Variants in ASTN2 observed in about 807,000 individuals in gnomAD.
ASTN2 encodes astrotactin-2.
In ASTN2, 54 loss-of-function variants were observed where a neutral mutation model predicts 139.8. The observed-to-expected ratio is 0.39, with a 90% CI of 0.31 to 0.48. ASTN2 has a LOEUF of 0.48. Among genes scored for constraint, ASTN2 ranks in the 20% least tolerant of loss-of-function variants. ASTN2 has a pLI of 0.95. For missense variants in ASTN2, 1,565 were observed against 1,725.1 expected (o/e 0.91, Z 1.64); for synonymous variants, 756 against 719.5 (o/e 1.05, Z -0.81).
intron 5 of ASTN2, among the ~76,000 whole-genome samples, chr9:117,083,899 C>T (rs1344675432): frequency 6.6e-6 from 1 of 152,064 alleles, no homozygotes; most frequent in Admixed American, 6.5e-5. Context: ...AACAATATTT[C>T]AGGGACCATC....
intron 11 of ASTN2, among the ~76,000 whole-genome samples, chr9:116,829,012 G>T (rs1227819757): frequency 6.6e-6 from 1 of 151,958 alleles, no homozygotes; most frequent in Admixed American, 6.6e-5. Flanking sequence ...AATTGTAGAT[G>T]ACATAAATAC....
chr9:116,530,174 A>C (rs1851283276), intron 19 of ASTN2, among the ~76,000 whole-genome samples: 1 of 137,406 alleles, frequency 7.3e-6, no homozygotes, highest in Non-Finnish European at 1.6e-5. Flanking sequence ...ATTAATCCTT[A>C]AAAAGAAGAA....
At chr9:116,582,244 G>A (rs1853979646) in intron 19 of ASTN2, 1 of 152,222 alleles carries the variant, frequency 6.6e-6, no homozygotes, top group Non-Finnish European at 1.5e-5. Context: ...ATTGTACGGA[G>A]TGATCTACAT....
intron 6 of ASTN2, among the ~76,000 whole-genome samples, chr9:117,015,821 T>C (rs1000376677): frequency 9.2e-5 from 14 of 152,182 alleles, no homozygotes; most frequent in Non-Finnish European, 1.6e-4. Context: ...TGGGGTTTCC[T>C]GGAATCATTA....
intron 19 of ASTN2, among the ~76,000 whole-genome samples, chr9:116,493,027 A>G (rs1203060880): frequency 6.6e-6 from 1 of 152,122 alleles, no homozygotes; most frequent in Non-Finnish European, 1.5e-5. Flanking sequence ...ACTGTTTATA[A>G]AAGTTGGTTT....
chr9:116,658,378 T>C (rs550867795), intron 16 of ASTN2, among the ~76,000 whole-genome samples: 1 of 152,194 alleles, frequency 6.6e-6, no homozygotes, highest in African/African-American at 2.4e-5. Flanking sequence ...CAGTGAAAAA[T>C]GCTTGCTTCC....
chr9:117,266,034 G>A (rs1042279998), intron 2 of ASTN2, among the ~76,000 whole-genome samples: 1 of 152,104 alleles, frequency 6.6e-6, no homozygotes, highest in East Asian at 1.9e-4. Context: ...AATCTGCTAG[G>A]CTTAACTCCC....
At chr9:117,284,305 A>G (rs1285042382) in intron 2 of ASTN2, among the ~76,000 whole-genome samples, 1 of 152,136 alleles carries the variant, frequency 6.6e-6, no homozygotes, top group Non-Finnish European at 1.5e-5. Context: ...GGGTTTCACC[A>G]TGTTACCCAG....
At chr9:117,316,881 T>C (rs1477273874) in intron 1 of ASTN2, among the ~76,000 whole-genome samples, 1 of 152,142 alleles carries the variant, frequency 6.6e-6, no homozygotes, top group Non-Finnish European at 1.5e-5. Flanking sequence ...GGTCAGAAGT[T>C]GTCCAAGAAA....
chr9:117,194,030 G>A (rs1467127471), intron 3 of ASTN2, among the ~76,000 whole-genome samples: 1 of 152,150 alleles, frequency 6.6e-6, no homozygotes, highest in African/African-American at 2.4e-5. Flanking sequence ...GATAAGATCT[G>A]AGGCACAAGG....
intron 6 of ASTN2, among the ~76,000 whole-genome samples, chr9:117,015,130 C>T (rs1232563889): frequency 1.3e-5 from 2 of 152,070 alleles, no homozygotes; most frequent in Non-Finnish European, 1.5e-5. Flanking sequence ...CCCACCTTAG[C>T]CTCCCAGGTA....
At chr9:116,623,228 C>A (rs969120205) in intron 17 of ASTN2, among the ~76,000 whole-genome samples, 1 of 149,074 alleles carries the variant, frequency 6.7e-6, no homozygotes, top group South Asian at 2.2e-4. Flanking sequence ...TAAATAGGAA[C>A]TTGAGCTTGT....
At chr9:117,066,031 A>G (rs1267368927) in intron 5 of ASTN2, among the ~76,000 whole-genome samples, 1 of 124,462 alleles carries the variant, frequency 8.0e-6, no homozygotes, top group Non-Finnish European at 1.7e-5. Context: ...TTTTTTTTTT[A>G]TTATACTTTA....
At chr9:116,577,488 T>C (rs1170292945) in intron 19 of ASTN2, among the ~76,000 whole-genome samples, 3 of 151,502 alleles carry the variant, frequency 2.0e-5, no homozygotes, top group East Asian at 1.9e-4. Context: ...GCTGAGATCA[T>C]GCCACCACAC....
At chr9:117,298,704 G>GTA (rs1427676770) in intron 1 of ASTN2, among the ~76,000 whole-genome samples, 3,738 of 31,720 alleles carry the variant, frequency 0.12, 66 homozygotes, top group Non-Finnish European at 0.25. Flanking sequence ...GCATATGTAT[G>GTA]TGTGTGTGTG....
At chr9:117,228,457 T>C (rs1343294909) in intron 2 of ASTN2, among the ~76,000 whole-genome samples, 1 of 152,082 alleles carries the variant, frequency 6.6e-6, no homozygotes, top group Non-Finnish European at 1.5e-5. Context: ...CTTGACGGCA[T>C]GTTGTGATGG....
At chr9:117,188,465 C>A (rs1209217315) in intron 3 of ASTN2, among the ~76,000 whole-genome samples, 1 of 152,092 alleles carries the variant, frequency 6.6e-6, no homozygotes, top group Non-Finnish European at 1.5e-5. Context: ...GGGCTATCAT[C>A]TCCATTTTCC....
Position 116,425,740 on chromosome 9 carries a change from G to C in ASTN2, c.*111C>G. 1 of 1,606,182 alleles carries C rather than the reference G, an allele frequency of 6.2e-7. No individual in the cohort carries two copies. Among genetic ancestry groups the C allele is most frequent in the South Asian group, 1.1e-5 (1 of 89,626 alleles). ...TTGGCCTTGCTGGCAAGCTTCATCT[G>C]CTAGGCCCATCCTCAGCTGTCCCCC... On this transcript the variant is annotated 3_prime_UTR_variant, in exon 23 of 23. Coordinates refer to ENST00000313400, the MANE Select transcript of ASTN2 (RefSeq NM_001365068.1).
chr9:117,384,255 G>C (rs1830341903), intron 1 of ASTN2, among the ~76,000 whole-genome samples: 1 of 152,170 alleles, frequency 6.6e-6, no homozygotes, highest in South Asian at 2.1e-4. Context: ...CAGAACTCAA[G>C]GTATCTTGGG....
Sources: gnomAD v4.1 joint callset for allele counts (sites outside exome capture counted in the v4.1 genomes callset) on GRCh38, gnomAD v4.1.1 for gene constraint, MANE v1.5 for transcripts, NCBI Gene and HGNC (gene_info 2026-07-23, HGNC 2026-07-21) for gene names.